Variants in ZYG11B observed in about 807,000 individuals in gnomAD.
ZYG11B encodes zyg-11 family member B, cell cycle regulator.
ZYG11B carries 36 observed loss-of-function variants against 82.4 expected under a neutral mutation model. That is an observed-to-expected ratio of 0.44 (90% confidence interval 0.33 to 0.58). The LOEUF is 0.58. Ranked by LOEUF, ZYG11B falls within the 20% of genes least tolerant of loss-of-function variation. ZYG11B has a pLI of 0.02. For synonymous variants in ZYG11B, 303 were observed against 312.8 expected (o/e 0.97, Z 0.33); for missense variants, 552 against 895.6 (o/e 0.62, Z 4.90).
intron 3 of ZYG11B, chr1:52,772,676 T>C (rs1644764466): frequency 1.3e-6 from 1 of 757,390 alleles, no homozygotes; most frequent in Non-Finnish European, 2.4e-6. Flanking sequence ...AACGAAAGGC[T>C]TGTTTTTTTT....
At chr1:52,753,424 C>CTTTT (rs3082846) in intron 1 of ZYG11B, among the ~76,000 whole-genome samples, 2 of 137,254 alleles carry the variant, frequency 1.5e-5, no homozygotes, top group Non-Finnish European at 3.1e-5. Flanking sequence ...TGTTGTTGTT[C>CTTTT]TTTTTTTTTT....
At chr1:52,796,232 A>G in intron 6 of ZYG11B, 60 bp from the exon 7 acceptor site, 1 of 1,292,898 alleles carries the variant, frequency 7.7e-7, no homozygotes, top group Non-Finnish European at 1.1e-6. Flanking sequence ...CCTAGCTGGA[A>G]CTCTGAAATT....
At position 52,822,233 on chromosome 1, in the gene ZYG11B, C is replaced by G. The variant is rs531927625; in HGVS notation, c.*604C>G. 67 of 152,282 alleles carry G rather than the reference C, an allele frequency of 4.4e-4. No individual in the cohort carries two copies. Among genetic ancestry groups the G allele is most frequent in the African/African-American group, 1.3e-3 (55 of 41,544 alleles). The allele number at this position is 152,282 out of a possible 1,614,324, so 9.4% of individuals were successfully genotyped here. ...GAGTGTAGGAACTGGGAATTGGTTTCATGGTATAGGTTTTAAAATGAGACA... is the reference window on the plus strand; with the variant it reads ...GAGTGTAGGAACTGGGAATTGGTTTGATGGTATAGGTTTTAAAATGAGACA... On this transcript the variant is annotated 3_prime_UTR_variant, in exon 14 of 14. Transcript: ENST00000294353.
At chr1:52,769,196 T>G (rs985022341) in intron 2 of ZYG11B, among the ~76,000 whole-genome samples, 4 of 151,414 alleles carry the variant, frequency 2.6e-5, no homozygotes, top group Non-Finnish European at 4.4e-5. Flanking sequence ...ATAAACTGTT[T>G]GCTGAATGGA....
intron 4 of ZYG11B, among the ~76,000 whole-genome samples, chr1:52,781,627 C>T (rs1360122664): frequency 1.3e-5 from 2 of 152,132 alleles, no homozygotes; most frequent in African/African-American, 4.8e-5. Flanking sequence ...TTCTTACGCA[C>T]GTTCAATTTT....
At chr1:52,787,102 A>AAT (rs397815723) in intron 5 of ZYG11B, among the ~76,000 whole-genome samples, 1 of 151,754 alleles carries the variant, frequency 6.6e-6, no homozygotes, top group Non-Finnish European at 1.5e-5. Context: ...AAAAAAAAAA[A>AAT]GTGTTCACAG....
chr1:52,749,899 A>G (rs990881086), intron 1 of ZYG11B, among the ~76,000 whole-genome samples: 7 of 152,118 alleles, frequency 4.6e-5, no homozygotes, highest in African/African-American at 1.7e-4. Context: ...GGTGTCCTTC[A>G]AAGATAACTA....
chr1:52,810,008 G>C (rs552962269), intron 10 of ZYG11B, among the ~76,000 whole-genome samples: 2 of 152,060 alleles, frequency 1.3e-5, no homozygotes, highest in African/African-American at 2.4e-5. Flanking sequence ...TTACCTTCTT[G>C]GTTGCTGAAT....
At chr1:52,783,906 ATACATC>A (rs1558132754) in intron 4 of ZYG11B, among the ~76,000 whole-genome samples, 14,722 of 63,118 alleles carry the variant, frequency 0.23, 1,798 homozygotes, top group East Asian at 0.6. Context: ...GTGTGTGTAT[ATACATC>A]TATACATATA....
At chr1:52,788,588 G>A (rs1186546425) in intron 5 of ZYG11B, among the ~76,000 whole-genome samples, 1 of 152,190 alleles carries the variant, frequency 6.6e-6, no homozygotes, top group African/African-American at 2.4e-5. Flanking sequence ...ATTAGAGGCT[G>A]TGCACTGTGG....
intron 2 of ZYG11B, among the ~76,000 whole-genome samples, chr1:52,759,755 A>AT (rs1354268369): frequency 2.6e-5 from 4 of 152,106 alleles, no homozygotes; most frequent in African/African-American, 9.7e-5. Flanking sequence ...TGCTTTATAC[A>AT]TTTTTCTTCG....
chr1:52,746,340 C>A (rs1007670311), intron 1 of ZYG11B, among the ~76,000 whole-genome samples: 3 of 152,110 alleles, frequency 2.0e-5, no homozygotes, highest in African/African-American at 7.2e-5. Flanking sequence ...AACAAAAAGT[C>A]ATTTTGAAAT....
At position 52,726,564 on chromosome 1, in the gene ZYG11B, G is replaced by A; in HGVS notation, c.-90G>A. On this transcript the variant is annotated 5_prime_UTR_variant, in exon 1 of 14. Coordinates refer to ENST00000294353, the MANE Select transcript of ZYG11B (RefSeq NM_024646.3). ...GGCCTGGGCCAAGCCCGGAGCCGCC[G>A]CTCGCCGGAGCCTCCTGGAGCCTCC... 7.8e-7 allele frequency: 1 copy of A among 1,279,252 alleles called. No homozygotes were observed. Among genetic ancestry groups the A allele is most frequent in the Non-Finnish European group, 1.0e-6 (1 of 1,001,852 alleles). 79.2% of individuals were successfully genotyped at this position (1,279,252 alleles called of 1,614,324 possible).
At chr1:52,772,220 A>G in intron 3 of ZYG11B, 2 of 1,434,412 alleles carry the variant, frequency 1.4e-6, no homozygotes, top group Admixed American at 3.3e-5. Context: ...GAGGCTGTAG[A>G]TGATTCATAT....
chr1:52,782,795 A>AT (rs1052803186), intron 4 of ZYG11B, among the ~76,000 whole-genome samples: 1 of 151,192 alleles, frequency 6.6e-6, no homozygotes, highest in African/African-American at 2.4e-5. Context: ...TTTTAAAAAA[A>AT]TTTTTTGTAG....
chr1:52,810,579 A>T (rs1217855921), intron 10 of ZYG11B, among the ~76,000 whole-genome samples: 1 of 152,188 alleles, frequency 6.6e-6, no homozygotes, highest in Non-Finnish European at 1.5e-5. Flanking sequence ...TCCATCCAGT[A>T]AAGGACACTG....
At chr1:52,781,505 A>AG (rs1200021036) in intron 4 of ZYG11B, among the ~76,000 whole-genome samples, 2 of 152,048 alleles carry the variant, frequency 1.3e-5, no homozygotes, top group Non-Finnish European at 2.9e-5. Context: ...GTCTTAAAAG[A>AG]GAAAAAAAAA....
intron 6 of ZYG11B, among the ~76,000 whole-genome samples, chr1:52,792,096 A>T (rs1644964400): frequency 2.0e-5 from 3 of 152,178 alleles, no homozygotes; most frequent in Admixed American, 2.0e-4. Flanking sequence ...TCCACAGGCT[A>T]TGTAGTTTGC....
At chr1:52,799,657 T>G (rs552520913) in intron 8 of ZYG11B, among the ~76,000 whole-genome samples, 26 of 151,698 alleles carry the variant, frequency 1.7e-4, no homozygotes, top group African/African-American at 6.0e-4. Context: ...TAGCCAGGTG[T>G]GGTGGTACGC....
Sources: gnomAD v4.1 joint callset for allele counts (sites outside exome capture counted in the v4.1 genomes callset) on GRCh38, gnomAD v4.1.1 for gene constraint, MANE v1.5 for transcripts, NCBI Gene and HGNC (gene_info 2026-07-23, HGNC 2026-07-21) for gene names.